The following FCHSD2 variants were observed in gnomAD, a reference collection of about 807,000 sequenced individuals.
FCHSD2 encodes F-BAR and double SH3 domains protein 2.
A neutral mutation model predicts 108.1 loss-of-function variants in FCHSD2; 38 were observed. That is an observed-to-expected ratio of 0.35 (90% CI 0.27 to 0.46). FCHSD2 has a LOEUF of 0.46. FCHSD2 is among the 20% of genes least tolerant of loss of function. FCHSD2 has a pLI of 1.00. For missense variants in FCHSD2, 751 were observed against 897.8 expected (o/e 0.84, Z 2.09); for synonymous variants, 279 against 314.7 (o/e 0.89, Z 1.20).
chr11:72,939,984 G>A (rs542124989), intron 8 of FCHSD2, among the ~76,000 whole-genome samples: 1 of 152,236 alleles, frequency 6.6e-6, no homozygotes, highest in South Asian at 2.1e-4. Context: ...TCTGTGGACT[G>A]CTTGTACAGT....
At chr11:73,002,977 A>T (rs925161609) in intron 4 of FCHSD2, among the ~76,000 whole-genome samples, 1 of 152,246 alleles carries the variant, frequency 6.6e-6, no homozygotes, top group Admixed American at 6.5e-5. Context: ...AAGAATGGTT[A>T]CAATAATATA....
chr11:73,041,914 C>T, intron 3 of FCHSD2, among the ~76,000 whole-genome samples: 1 of 151,940 alleles, frequency 6.6e-6, no homozygotes, highest in East Asian at 1.9e-4. Context: ...GTCTAATCCA[C>T]TTTGAGATTA....
intron 6 of FCHSD2, among the ~76,000 whole-genome samples, chr11:72,986,770 T>C (rs547388303): frequency 5.3e-5 from 8 of 152,334 alleles, no homozygotes; most frequent in South Asian, 2.1e-4. Context: ...GTATTAGTGA[T>C]AGATAGAATA....
intron 2 of FCHSD2, among the ~76,000 whole-genome samples, chr11:73,094,140 G>C (rs1298533303): frequency 6.6e-6 from 1 of 152,096 alleles, no homozygotes; most frequent in African/African-American, 2.4e-5. Context: ...GAACCCGGGA[G>C]GCAGAGGTTA....
At chr11:73,108,488 G>A (rs1223147413) in intron 2 of FCHSD2, among the ~76,000 whole-genome samples, 2 of 152,178 alleles carry the variant, frequency 1.3e-5, no homozygotes. Flanking sequence ...CCAGTCCAAT[G>A]CCATGAAGAG....
intron 8 of FCHSD2, among the ~76,000 whole-genome samples, chr11:72,962,294 C>A (rs1278867913): frequency 6.6e-6 from 1 of 152,174 alleles, no homozygotes; most frequent in Non-Finnish European, 1.5e-5. Flanking sequence ...ATGATGCAAT[C>A]GCTCTGACAG....
chr11:73,083,326 G>A (rs1046304573), intron 3 of FCHSD2, among the ~76,000 whole-genome samples: 1 of 152,064 alleles, frequency 6.6e-6, no homozygotes, highest in Non-Finnish European at 1.5e-5. Context: ...CAAGGCGGAC[G>A]GATCATAAGG....
intron 8 of FCHSD2, among the ~76,000 whole-genome samples, chr11:72,961,030 G>C (rs192274627): frequency 6.6e-6 from 1 of 152,270 alleles, no homozygotes; most frequent in African/African-American, 2.4e-5. Context: ...GAATGGGGAG[G>C]TAACACACAT....
chr11:73,012,707 T>G (rs576506958), intron 4 of FCHSD2, among the ~76,000 whole-genome samples: 1 of 152,280 alleles, frequency 6.6e-6, no homozygotes, highest in South Asian at 2.1e-4. Flanking sequence ...TGTATAATTC[T>G]TCATCTCTCT....
chr11:73,026,068 G>A (rs1162228456), intron 3 of FCHSD2, among the ~76,000 whole-genome samples: 1 of 152,060 alleles, frequency 6.6e-6, no homozygotes, highest in Non-Finnish European at 1.5e-5. Context: ...TCTGTTCCCA[G>A]GCTCAATTGA....
At chr11:72,908,019 CCCA>C (rs1322650999) in intron 9 of FCHSD2, among the ~76,000 whole-genome samples, 2 of 152,152 alleles carry the variant, frequency 1.3e-5, no homozygotes, top group Non-Finnish European at 2.9e-5. Context: ...CCTGGCTCCC[CCCA>C]CATCTGACTA....
rs893322190 is a variant in FCHSD2 at position 72,972,474 on chromosome 11, G to C, written c.705+11614C>G. Reference sequence around the variant, plus strand: ...GTAGAGGATGTCACAGGCAGGTATAGGGAGTGGGGAAAACACACAAAGAGG... The same window carrying C: ...GTAGAGGATGTCACAGGCAGGTATACGGAGTGGGGAAAACACACAAAGAGG... On this transcript the variant is annotated intron_variant, in intron 8 of 19. Transcript: ENST00000409418. Among the ~76,000 whole-genome samples the C allele has an allele frequency of 5.9e-5, 9 of 152,182 alleles. No individual in the cohort carries two copies. The East Asian group carries it at 1.5e-3, about 26-fold the overall frequency.
At chr11:72,978,251 T>C (rs777873874) in intron 8 of FCHSD2, among the ~76,000 whole-genome samples, 8 of 152,000 alleles carry the variant, frequency 5.3e-5, no homozygotes, top group Non-Finnish European at 7.4e-5. Flanking sequence ...ATGGCACATG[T>C]ATACATATGT....
chr11:72,958,657 T>G (rs1275140472), intron 8 of FCHSD2, among the ~76,000 whole-genome samples: 1 of 152,202 alleles, frequency 6.6e-6, no homozygotes, highest in Non-Finnish European at 1.5e-5. Context: ...AGTTCACCAA[T>G]TCCACTTTCT....
chr11:73,048,113 T>C (rs1256950795), intron 3 of FCHSD2, among the ~76,000 whole-genome samples: 3 of 151,750 alleles, frequency 2.0e-5, no homozygotes, highest in Admixed American at 2.0e-4. Flanking sequence ...GAACAGAAAG[T>C]AATAGAAAAA....
chr11:72,861,652 G>A (rs1332338022), intron 13 of FCHSD2, among the ~76,000 whole-genome samples: 10 of 152,220 alleles, frequency 6.6e-5, no homozygotes, highest in Non-Finnish European at 1.2e-4. Flanking sequence ...AGGATAGGCC[G>A]GGCGCGCTGG....
intron 8 of FCHSD2, among the ~76,000 whole-genome samples, chr11:72,975,919 A>T (rs1321911042): frequency 6.6e-6 from 1 of 152,174 alleles, no homozygotes; most frequent in Admixed American, 6.5e-5. Flanking sequence ...ACTATGACAC[A>T]CTGTATCTCA....
chr11:73,001,738 A>G (rs1013541224), intron 4 of FCHSD2, among the ~76,000 whole-genome samples: 2 of 152,228 alleles, frequency 1.3e-5, no homozygotes, highest in African/African-American at 2.4e-5. Flanking sequence ...AGAAATCTAT[A>G]ATAGTGTGGC....
intron 2 of FCHSD2, among the ~76,000 whole-genome samples, chr11:73,126,166 C>T (rs1692486064): frequency 1.3e-5 from 2 of 151,308 alleles, no homozygotes; most frequent in African/African-American, 4.9e-5. Flanking sequence ...ATGGTGAAAT[C>T]CCATCTCTAC....
Sources: allele counts gnomAD v4.1 joint callset (sites outside exome capture counted in the v4.1 genomes callset), GRCh38; gene constraint gnomAD v4.1.1; transcripts MANE v1.5; gene names NCBI Gene and HGNC (gene_info 2026-07-23, HGNC 2026-07-21).